The following CSMD1 variants were observed in gnomAD, a reference collection of about 807,000 sequenced individuals.
CSMD1 encodes the protein CUB and sushi domain-containing protein 1.
Under a neutral mutation model 417.5 loss-of-function variants are expected in CSMD1, and 213 were observed. That is an observed-to-expected ratio of 0.51 (90% CI 0.46 to 0.57). CSMD1 has a LOEUF of 0.57. CSMD1 is among the 20% of genes least tolerant of loss of function. The probability of loss-of-function intolerance (pLI) is 0.00; values close to 1 mark genes in which losing one functional copy is unlikely to be tolerated. For missense variants in CSMD1, 6,923 were observed against 4,529.7 expected (o/e 1.53, Z -15.17); for synonymous variants, 2,862 against 1,736.8 (o/e 1.65, Z -16.11).
At chr8:4,419,117 A>T (rs145617178) in intron 3 of CSMD1, among the ~76,000 whole-genome samples, 3 of 152,316 alleles carry the variant, frequency 2.0e-5, no homozygotes, top group African/African-American at 7.2e-5. Flanking sequence ...ACTTAGTAGC[A>T]AATGACATCC....
chr8:4,270,624 A>T (rs138541904), intron 3 of CSMD1, among the ~76,000 whole-genome samples: 17 of 152,272 alleles, frequency 1.1e-4, no homozygotes, highest in African/African-American at 3.6e-4. Flanking sequence ...ACTCTGATAG[A>T]ATTAAACCTG....
chr8:3,337,549 C>T (rs558633250), intron 23 of CSMD1, among the ~76,000 whole-genome samples: 2 of 152,068 alleles, frequency 1.3e-5, no homozygotes, highest in African/African-American at 4.8e-5. Flanking sequence ...TCTCGGTAAG[C>T]GATGGCCACT....
rs142201291 is a variant in CSMD1, at chr8:4,881,072, C to G, written c.85+113260G>C. Among the ~76,000 whole-genome samples, 3 of 152,118 alleles carry G rather than the reference C, an allele frequency of 2.0e-5. No individual in the cohort carries two copies. In the East Asian group the frequency reaches 5.8e-4, roughly 30 times the overall value. On this transcript the variant is annotated intron_variant, in intron 1 of 69. Coordinates refer to ENST00000635120, the MANE Select transcript of CSMD1 (RefSeq NM_033225.6). The stretch of plus-strand genomic sequence containing the variant: ...TTCCCAACTCTTTTCCTAGAGGACT[C>G]TGCCAGCTACTCCAGCCCACATTGT...
At chr8:4,701,045 A>C (rs1246355273) in intron 1 of CSMD1, among the ~76,000 whole-genome samples, 1 of 152,172 alleles carries the variant, frequency 6.6e-6, no homozygotes, top group African/African-American at 2.4e-5. Flanking sequence ...ACAAAGTATG[A>C]GTACATAAAA....
intron 2 of CSMD1, among the ~76,000 whole-genome samples, chr8:4,479,910 G>A (rs562258081): frequency 2.7e-4 from 41 of 150,850 alleles, no homozygotes; most frequent in Middle Eastern, 3.4e-3. Flanking sequence ...AGGTTGCAGT[G>A]AGCCGAGATG....
chr8:3,277,177 A>G (rs1802357965), intron 26 of CSMD1, among the ~76,000 whole-genome samples: 1 of 152,104 alleles, frequency 6.6e-6, no homozygotes, highest in South Asian at 2.1e-4. Context: ...ATTGAGGATG[A>G]TGTTGAAAAT....
chr8:4,872,085 C>T (rs77954262), intron 1 of CSMD1, among the ~76,000 whole-genome samples: 1 of 152,194 alleles, frequency 6.6e-6, no homozygotes, highest in East Asian at 1.9e-4. Context: ...ATGTGTCAGG[C>T]TCTGTTGTCA....
chr8:4,082,789 A>G (rs1800210599), intron 3 of CSMD1, among the ~76,000 whole-genome samples: 1 of 113,344 alleles, frequency 8.8e-6, no homozygotes, highest in South Asian at 3.0e-4. Context: ...AACAGTCCCC[A>G]CAATGTGATG....
chr8:3,540,009 A>T (rs967047105), intron 10 of CSMD1, among the ~76,000 whole-genome samples: 3 of 152,180 alleles, frequency 2.0e-5, no homozygotes, highest in Non-Finnish European at 4.4e-5. Context: ...ATCTCCAGTA[A>T]AACAGGGCTG....
intron 1 of CSMD1, among the ~76,000 whole-genome samples, chr8:4,857,402 G>C (rs1017802562): frequency 1.3e-5 from 2 of 151,886 alleles, no homozygotes; most frequent in African/African-American, 4.8e-5. Context: ...CAGAAGGCAA[G>C]AAATAACTAA....
chr8:3,281,192 C>G (rs1007018982), intron 26 of CSMD1, among the ~76,000 whole-genome samples: 2 of 152,130 alleles, frequency 1.3e-5, no homozygotes, highest in African/African-American at 2.4e-5. Flanking sequence ...CCTGTAATCC[C>G]AGCACTTTGG....
intron 5 of CSMD1, among the ~76,000 whole-genome samples, chr8:3,857,722 T>C (rs1193774730): frequency 6.6e-6 from 1 of 152,192 alleles, no homozygotes; most frequent in African/African-American, 2.4e-5. Flanking sequence ...TGATGATCCA[T>C]TTACAAAGAC....
chr8:4,531,105 C>A (rs183289686), intron 2 of CSMD1, among the ~76,000 whole-genome samples: 1 of 152,082 alleles, frequency 6.6e-6, no homozygotes, highest in African/African-American at 2.4e-5. Flanking sequence ...GCTGAATCAT[C>A]GCGAGTAGAA....
At chr8:3,685,500 C>T (rs913124360) in intron 7 of CSMD1, among the ~76,000 whole-genome samples, 5 of 152,088 alleles carry the variant, frequency 3.3e-5, no homozygotes, top group African/African-American at 1.2e-4. Context: ...GACTCAAATC[C>T]ACCTCCCTGA....
chr8:3,734,767 A>C (rs576427603), intron 6 of CSMD1, among the ~76,000 whole-genome samples: 1 of 152,294 alleles, frequency 6.6e-6, no homozygotes, highest in East Asian at 1.9e-4. Flanking sequence ...CTTCTTCTGT[A>C]ATCAGATCTC....
chr8:4,513,682 T>A (rs1026912130), intron 2 of CSMD1, among the ~76,000 whole-genome samples: 1 of 152,214 alleles, frequency 6.6e-6, no homozygotes, highest in Non-Finnish European at 1.5e-5. Flanking sequence ...TTGAGAAAGG[T>A]AATTTCATTT....
At chr8:3,662,956 G>C (rs531784607) in intron 7 of CSMD1, among the ~76,000 whole-genome samples, 1 of 152,210 alleles carries the variant, frequency 6.6e-6, no homozygotes, top group South Asian at 2.1e-4. Context: ...GTGTTCCTAT[G>C]TAACAAACCT....
chr8:3,685,085 A>T (rs181604348), intron 7 of CSMD1, among the ~76,000 whole-genome samples: 9 of 152,118 alleles, frequency 5.9e-5, no homozygotes, highest in African/African-American at 2.2e-4. Context: ...TTCATTATAA[A>T]ACGATTTACT....
At chr8:4,650,030 G>C (rs1046327199) in intron 1 of CSMD1, among the ~76,000 whole-genome samples, 11 of 152,132 alleles carry the variant, frequency 7.2e-5, no homozygotes, top group African/African-American at 2.4e-4. Context: ...TATCATGTCT[G>C]GGATGAGACA....
Sources: gnomAD v4.1 joint callset for allele counts (sites outside exome capture counted in the v4.1 genomes callset) on GRCh38, gnomAD v4.1.1 for gene constraint, MANE v1.5 for transcripts, NCBI Gene and HGNC (gene_info 2026-07-23, HGNC 2026-07-21) for gene names.